TFEC: variants seen among roughly 807,000 people sequenced by gnomAD.
TFEC encodes the protein transcription factor EC.
TFEC carries 31 observed loss-of-function variants against 41.6 expected under a neutral mutation model. The ratio of observed to expected loss-of-function variants is 0.74; its 90% CI spans 0.56 to 1.01. The LOEUF is 1.01. Among genes scored for constraint, TFEC ranks in the 50% least tolerant of loss-of-function variants. The probability of loss-of-function intolerance (pLI) is 0.00; values close to 1 mark genes in which losing one functional copy is unlikely to be tolerated. For synonymous variants in TFEC, 143 were observed against 140.6 expected (o/e 1.02, Z -0.12); for missense variants, 402 against 404.1 (o/e 0.99, Z 0.04).
At chr7:116,083,691 AC>A (rs1797141521) in intron 3 of TFEC, among the ~76,000 whole-genome samples, 1 of 151,948 alleles carries the variant, frequency 6.6e-6, no homozygotes, top group Non-Finnish European at 1.5e-5. Flanking sequence ...ACCTGCCCAC[AC>A]CAACCATATT....
intron 3 of TFEC, among the ~76,000 whole-genome samples, chr7:116,059,263 T>G (rs2130982960): frequency 6.6e-6 from 1 of 151,978 alleles, no homozygotes; most frequent in South Asian, 2.1e-4. Context: ...TAAATTTTTT[T>G]GACAAATTCT....
intron 5 of TFEC, among the ~76,000 whole-genome samples, chr7:115,953,560 G>A (rs1330428426): frequency 6.6e-6 from 1 of 152,064 alleles, no homozygotes; most frequent in Non-Finnish European, 1.5e-5. Flanking sequence ...ATTAAGGTCA[G>A]TAATCGTTAA....
At chr7:115,964,152 C>A (rs754609240) in intron 3 of TFEC, among the ~76,000 whole-genome samples, 10 of 151,380 alleles carry the variant, frequency 6.6e-5, no homozygotes, top group Non-Finnish European at 1.5e-4. Context: ...AGACAAAATG[C>A]AAAATTTTCT....
chr7:115,999,343 G>A (rs1794496744), intron 1 of TFEC, among the ~76,000 whole-genome samples: 1 of 151,810 alleles, frequency 6.6e-6, no homozygotes, highest in Admixed American at 6.6e-5. Context: ...AGTAAAAGCA[G>A]TACTAAGAGG....
chr7:116,087,958 A>C (rs760578618), intron 3 of TFEC, among the ~76,000 whole-genome samples: 6 of 152,120 alleles, frequency 3.9e-5, no homozygotes, highest in African/African-American at 1.4e-4. Flanking sequence ...TATTCTTGCC[A>C]TATAACAATC....
intron 5 of TFEC, among the ~76,000 whole-genome samples, 198 bp from the exon 6 acceptor site, chr7:115,951,147 G>A (rs185231885): frequency 6.6e-6 from 1 of 151,958 alleles, no homozygotes; most frequent in African/African-American, 2.4e-5. Flanking sequence ...ATAAATCTAT[G>A]ATTTACACTG....
At chr7:115,973,254 T>C (rs1793216359) in intron 3 of TFEC, among the ~76,000 whole-genome samples, 1 of 152,032 alleles carries the variant, frequency 6.6e-6, no homozygotes, top group African/African-American at 2.4e-5. Flanking sequence ...TACTTAAGAA[T>C]TGATACAGAA....
intron 1 of TFEC, among the ~76,000 whole-genome samples, chr7:116,118,291 GAATT>G (rs1043189738): frequency 2.6e-5 from 4 of 151,790 alleles, no homozygotes; most frequent in Admixed American, 2.0e-4. Context: ...ACTTTCTGTT[GAATT>G]ATTTATTCCC....
chr7:115,993,462 C>T (rs534626335), intron 1 of TFEC, among the ~76,000 whole-genome samples: 4 of 152,280 alleles, frequency 2.6e-5, no homozygotes, highest in South Asian at 4.1e-4. Flanking sequence ...AAAACCCCAT[C>T]ATCTCAGCCC....
intron 3 of TFEC, among the ~76,000 whole-genome samples, chr7:116,099,848 A>T (rs2115944748): frequency 6.6e-6 from 1 of 152,372 alleles, no homozygotes; most frequent in East Asian, 1.9e-4. Context: ...ATTGTACTTA[A>T]ATATAAGCCA....
chr7:115,940,760 C>T lies in TFEC; in HGVS notation c.835G>A (p.Ala279Thr), dbSNP rs753686156. ...QGPSPELCDQ[A>T]IAFSDPLSYF... is the part of the protein sequence containing the mutation. ...GACAAAGGATCAGAAAAGGCTATAG[C>T]TTGATCACAGAGCTCAGGGCTTGGC... The change falls in exon 8 of 8, where the codon GCT becomes ACT. Residue 279 changes from alanine (A) to threonine (T), a missense_variant. Ala to Thr is a moderately conservative substitution (Grantham distance 58). Transcript: ENST00000265440. The T allele has an allele frequency of 1.2e-6, 2 of 1,613,328 alleles. No individual in the cohort carries two copies. The highest frequency in any genetic ancestry group is 2.2e-5 in the East Asian group (1 of 44,836).
At chr7:116,125,823 T>C (rs960076315) in intron 1 of TFEC, among the ~76,000 whole-genome samples, 52 of 152,290 alleles carry the variant, frequency 3.4e-4, no homozygotes, top group African/African-American at 1.1e-3. Flanking sequence ...GAAGTGCCTT[T>C]CAGAAGAAAA....
rs192144911 is a variant in TFEC, at chr7:115,984,400, C to A, written c.42G>T (p.Trp14Cys). The change falls in exon 2 of 8, where the codon TGG (tryptophan) becomes TGT (cysteine). Residue 14 changes from tryptophan to cysteine, a missense_variant. Coordinates refer to ENST00000265440, the MANE Select transcript of TFEC (RefSeq NM_012252.4). ...CACCACTTGGCACTGCAGGTTGTGACCATTTAAGAGTTGGATTGATGATCT... is the reference window on the plus strand; with the variant it reads ...CACCACTTGGCACTGCAGGTTGTGAACATTTAAGAGTTGGATTGATGATCT... ...DHQIINPTLKWSQPAVPSGGP... is the reference protein window; with the variant it reads ...DHQIINPTLKCSQPAVPSGGP... 6 of 1,613,966 alleles carry A rather than the reference C, an allele frequency of 3.7e-6. No individual in the cohort carries two copies. In the Admixed American group the frequency reaches 5.0e-5, roughly 13 times the overall value.
intron 3 of TFEC, among the ~76,000 whole-genome samples, chr7:116,053,951 A>G (rs1171344816): frequency 6.6e-6 from 1 of 152,254 alleles, no homozygotes; most frequent in African/African-American, 2.4e-5. Context: ...TATTCATCAT[A>G]ATAACCTAAT....
At chr7:116,040,198 T>G (rs1378763919) in intron 3 of TFEC, among the ~76,000 whole-genome samples, 1 of 152,170 alleles carries the variant, frequency 6.6e-6, no homozygotes, top group Non-Finnish European at 1.5e-5. Flanking sequence ...AAAAGACTCA[T>G]AGTACTTCAA....
chr7:115,968,038 C>T, intron 3 of TFEC: 2 of 723,246 alleles, frequency 2.8e-6, no homozygotes, highest in South Asian at 4.2e-5. Context: ...GCATGCTTGT[C>T]AATACAGCAG....
chr7:116,105,594 T>C (rs986504977), intron 3 of TFEC, among the ~76,000 whole-genome samples: 1 of 152,104 alleles, frequency 6.6e-6, no homozygotes, highest in African/African-American at 2.4e-5. Context: ...TGACCGCTGA[T>C]GTTGATGCTG....
At chr7:115,956,144 T>G (rs539821635) in intron 4 of TFEC, among the ~76,000 whole-genome samples, 26 of 152,118 alleles carry the variant, frequency 1.7e-4, no homozygotes, top group African/African-American at 6.3e-4. Context: ...TCCTATAATT[T>G]GAGTTGTAAC....
chr7:116,000,362 GA>G (rs1220271868), intron 1 of TFEC, among the ~76,000 whole-genome samples: 3 of 152,008 alleles, frequency 2.0e-5, no homozygotes, highest in Admixed American at 6.6e-5. Context: ...TACTGAGCAG[GA>G]AAAAAACTGA....
Sources: gnomAD v4.1 joint callset for allele counts (sites outside exome capture counted in the v4.1 genomes callset) on GRCh38, gnomAD v4.1.1 for gene constraint, MANE v1.5 for transcripts, NCBI Gene and HGNC (gene_info 2026-07-23, HGNC 2026-07-21) for gene names.